ZNF652: variants seen among roughly 807,000 people sequenced by gnomAD.
ZNF652 encodes the protein zinc finger protein 652.
ZNF652 carries 16 observed loss-of-function variants against 45.2 expected under a neutral mutation model. The observed-to-expected ratio is 0.35, with a 90% confidence interval of 0.24 to 0.54. The LOEUF (loss-of-function observed/expected upper bound fraction) is 0.54, where lower values mean the gene tolerates loss of function less well. Ranked by LOEUF, ZNF652 falls within the 20% of genes least tolerant of loss-of-function variation. The pLI, the probability that ZNF652 is intolerant of heterozygous loss-of-function variation, is 0.91. For synonymous variants in ZNF652, 250 were observed against 260.6 expected (o/e 0.96, Z 0.39); for missense variants, 614 against 765.6 (o/e 0.80, Z 2.34).
upstream of ZNF652, chr17:49,362,261 A>G (rs1567705531): frequency 6.7e-6 from 1 of 149,488 alleles, no homozygotes; most frequent in East Asian, 2.0e-4. Flanking sequence ...GGCGGCGAGG[A>G]CGCGCGCGCC....
chr17:49,288,718 T>C (rs889657283), downstream of ZNF652, among the ~76,000 whole-genome samples: 1 of 152,166 alleles, frequency 6.6e-6, no homozygotes, highest in African/African-American at 2.4e-5. Flanking sequence ...TAATAAACAT[T>C]TGTGGAATAA....
intron 1 of ZNF652, among the ~76,000 whole-genome samples, chr17:49,341,631 T>G (rs1369348237): frequency 6.6e-6 from 1 of 151,662 alleles, no homozygotes; most frequent in Non-Finnish European, 1.5e-5. Context: ...ACCACTACAC[T>G]CTGGCCTGGG....
At chr17:49,354,789 A>C (rs1351202704) in intron 1 of ZNF652, among the ~76,000 whole-genome samples, 1 of 151,666 alleles carries the variant, frequency 6.6e-6, no homozygotes, top group Non-Finnish European at 1.5e-5. Flanking sequence ...GCAGTGGTGC[A>C]ATCTTGGCTC....
intron 1 of ZNF652, among the ~76,000 whole-genome samples, chr17:49,329,090 T>C (rs2069996431): frequency 6.6e-6 from 1 of 152,222 alleles, no homozygotes; most frequent in Admixed American, 6.5e-5. Flanking sequence ...GTGAAACTCA[T>C]ACCTTCCTTC....
Position 49,293,264 on chromosome 17 carries a change from A to G in ZNF652, c.*5149T>C, listed in dbSNP as rs149114651. Among the ~76,000 whole-genome samples the G allele has an allele frequency of 2.2e-3, 334 of 152,330 alleles. 1 individual carries two copies. Among genetic ancestry groups the G allele is most frequent in the African/African-American group, 7.8e-3 (325 of 41,592 alleles). On this transcript the variant is annotated 3_prime_UTR_variant, in exon 6 of 6. Coordinates refer to ENST00000430262, the MANE Select transcript of ZNF652 (RefSeq NM_001145365.3). Reference sequence around the variant, plus strand: ...GTCTGCAAAGTATTCTGACTTAAGTAAAGAATTTGATAAATGGTATGTGAT... The same window carrying G: ...GTCTGCAAAGTATTCTGACTTAAGTGAAGAATTTGATAAATGGTATGTGAT...
rs980178582 is a variant in ZNF652, at chr17:49,297,819, G to C, written c.*594C>G. 3 of 152,746 alleles carry C rather than the reference G, an allele frequency of 2.0e-5. No homozygotes were observed. The highest frequency in any genetic ancestry group is 1.9e-4 in the East Asian group (1 of 5,192). The allele number at this position is 152,746 out of a possible 1,614,324, so 9.5% of individuals were successfully genotyped here. ...TTCATTTTAGAAACAGACTACCAAA[G>C]AAGTCTATACAAAAACTCTAAAATA... On this transcript the variant is annotated 3_prime_UTR_variant, in exon 6 of 6. Coordinates refer to ENST00000430262, the MANE Select transcript of ZNF652 (RefSeq NM_001145365.3).
chr17:49,305,324 A>G (rs2069614032), intron 5 of ZNF652, among the ~76,000 whole-genome samples: 1 of 152,138 alleles, frequency 6.6e-6, no homozygotes, highest in Non-Finnish European at 1.5e-5. Flanking sequence ...CATAAATTCT[A>G]TTTTATTTTA....
chr17:49,357,088 G>C lies in ZNF652; in HGVS notation c.-259+4821C>G, dbSNP rs2070345545. Among the ~76,000 whole-genome samples the C allele has an allele frequency of 1.3e-5, 2 of 151,532 alleles. 1 individual carries two copies. The highest frequency in any genetic ancestry group is 4.2e-4 in the South Asian group (2 of 4,794). The stretch of plus-strand genomic sequence containing the variant: ...CTGACGTGGGCAGATCACAAGATCA[G>C]GAGTTCAAGACCAGCCTGACCAATA... On this transcript the variant is annotated intron_variant, in intron 1 of 5. Coordinates refer to ENST00000430262, the MANE Select transcript of ZNF652 (RefSeq NM_001145365.3).
intron 5 of ZNF652, among the ~76,000 whole-genome samples, chr17:49,307,162 G>T (rs1050261348): frequency 6.6e-6 from 1 of 152,018 alleles, no homozygotes; most frequent in Non-Finnish European, 1.5e-5. Flanking sequence ...GGGCTCAGGG[G>T]TGGGGCTCAT....
chr17:49,352,911 A>C (rs1021188901), intron 1 of ZNF652, among the ~76,000 whole-genome samples: 4 of 152,236 alleles, frequency 2.6e-5, no homozygotes, highest in Non-Finnish European at 4.4e-5. Flanking sequence ...TCCATGTCAC[A>C]TTCTGCAAAA....
intron 1 of ZNF652, among the ~76,000 whole-genome samples, chr17:49,326,886 A>G (rs1267732047): frequency 6.6e-6 from 1 of 152,098 alleles, no homozygotes; most frequent in East Asian, 1.9e-4. Flanking sequence ...GCTACGCATC[A>G]CCTTCTCTTG....
Position 49,317,662 on chromosome 17 carries a change from T to C in ZNF652, c.64A>G (p.Met22Val). The C allele has an allele frequency of 1.2e-6, 2 of 1,613,340 alleles. No individual in the cohort carries two copies. Among genetic ancestry groups the C allele is most frequent in the Non-Finnish European group, 1.7e-6 (2 of 1,179,306 alleles). The part of the protein sequence containing the change: ...VENCAVHVAG[M>V]AQEDSRRGQV... ...CCACGACGGCTATCTTCTTGTGCCA[T>C]TCCTGCTACATGCACAGCACAGTTT... The change falls in exon 2 of 6, where the codon ATG becomes GTG. Residue 22 changes from methionine (M) to valine (V), a missense_variant. Physicochemically the swap from Met to Val is conservative, Grantham distance 21. Coordinates refer to ENST00000430262, the MANE Select transcript of ZNF652 (RefSeq NM_001145365.3).
rs376608727 is a variant in ZNF652, at chr17:49,312,980, G to A, written c.901-135C>T. The A allele has an allele frequency of 5.7e-5, 44 of 767,156 alleles. No individual in the cohort carries two copies. The East Asian group carries it at 1.0e-3, about 18-fold the overall frequency. The allele number at this position is 767,156 out of a possible 1,614,324, so 47.5% of individuals were successfully genotyped here. On this transcript the variant is annotated intron_variant, in intron 2 of 5. Transcript: ENST00000430262. ...CAGATAAGTGCTATTCTTCCACAGA[G>A]CCCAGATTCCAACACCAACATCTGT... is the stretch of plus-strand genomic sequence containing the variant.
At chr17:49,315,162 C>A (rs1466141110) in intron 2 of ZNF652, among the ~76,000 whole-genome samples, 1 of 151,962 alleles carries the variant, frequency 6.6e-6, no homozygotes, top group Non-Finnish European at 1.5e-5. Context: ...CTGCCTCAGC[C>A]TCCTGAGTAG....
intron 1 of ZNF652, among the ~76,000 whole-genome samples, chr17:49,352,225 A>G (rs943511536): frequency 6.6e-6 from 1 of 152,176 alleles, no homozygotes; most frequent in African/African-American, 2.4e-5. Context: ...ACTTTAGTTG[A>G]GAAGATCAGT....
intron 1 of ZNF652, among the ~76,000 whole-genome samples, chr17:49,320,373 C>G (rs1036300605): frequency 6.6e-6 from 1 of 152,120 alleles, no homozygotes; most frequent in Admixed American, 6.6e-5. Flanking sequence ...TATATTCCTA[C>G]TTTCTTGTAT....
chr17:49,306,770 T>TG (rs2069634974), intron 5 of ZNF652, among the ~76,000 whole-genome samples: 4 of 152,212 alleles, frequency 2.6e-5, no homozygotes, highest in Non-Finnish European at 1.5e-5. Context: ...GCTATTTTTT[T>TG]GAGACGGAGT....
At chr17:49,300,489 C>T (rs564623890) in intron 5 of ZNF652, among the ~76,000 whole-genome samples, 5 of 152,200 alleles carry the variant, frequency 3.3e-5, no homozygotes, top group Non-Finnish European at 7.4e-5. Context: ...TTGCTTAGTT[C>T]CATGCTGTGT....
chr17:49,325,795 G>C lies in ZNF652; in HGVS notation c.-258-7812C>G, dbSNP rs2069950216. Reference sequence around the variant, plus strand: ...CAAGACTGTGCCACTGCATGCTACTGTTTTTATTATGGTTAATTTTATTTT... The same window carrying C: ...CAAGACTGTGCCACTGCATGCTACTCTTTTTATTATGGTTAATTTTATTTT... On this transcript the variant is annotated intron_variant, in intron 1 of 5. Coordinates refer to ENST00000430262, the MANE Select transcript of ZNF652 (RefSeq NM_001145365.3). Among the ~76,000 whole-genome samples, 3 of 152,048 alleles carry C rather than the reference G, an allele frequency of 2.0e-5. 1 individual carries two copies. In the South Asian group the frequency reaches 6.2e-4, roughly 32 times the overall value.
Sources: allele counts gnomAD v4.1 joint callset (sites outside exome capture counted in the v4.1 genomes callset), GRCh38; gene constraint gnomAD v4.1.1; transcripts MANE v1.5; gene names NCBI Gene and HGNC (gene_info 2026-07-23, HGNC 2026-07-21).